The following NME7 variants were observed in gnomAD, a reference collection of about 807,000 sequenced individuals.
The protein encoded by NME7 is nucleoside diphosphate kinase 7.
NME7 carries 41 observed loss-of-function variants against 49.1 expected under a neutral mutation model. The observed-to-expected ratio is 0.83, with a 90% CI of 0.65 to 1.08. The LOEUF (loss-of-function observed/expected upper bound fraction) is 1.08. Ranked by LOEUF, NME7 falls within the 50% of genes least tolerant of loss-of-function variation. The pLI, the probability that NME7 is intolerant of heterozygous loss-of-function variation, is 0.00. For missense variants in NME7, 423 were observed against 463.4 expected (o/e 0.91, Z 0.80); for synonymous variants, 139 against 150.6 (o/e 0.92, Z 0.56).
chr1:169,282,580 G>C (rs997158921), intron 7 of NME7, among the ~76,000 whole-genome samples: 1 of 152,014 alleles, frequency 6.6e-6, no homozygotes, highest in Non-Finnish European at 1.5e-5. Flanking sequence ...TCTCTTGTGG[G>C]CATTTAGAGC....
intron 11 of NME7, among the ~76,000 whole-genome samples, chr1:169,166,107 T>C (rs1486503804): frequency 6.6e-6 from 1 of 152,332 alleles, no homozygotes; most frequent in Non-Finnish European, 1.5e-5. Context: ...ATAATACTTT[T>C]TCCTTTTTTT....
intron 3 of NME7, among the ~76,000 whole-genome samples, chr1:169,314,443 T>C (rs1371852069): frequency 1.3e-5 from 2 of 151,590 alleles, no homozygotes; most frequent in Non-Finnish European, 2.9e-5. Context: ...TAACTGTATA[T>C]AGAAAAAAAA....
chr1:169,204,351 T>C (rs2101783248), intron 10 of NME7, among the ~76,000 whole-genome samples: 1 of 151,812 alleles, frequency 6.6e-6, no homozygotes, highest in Middle Eastern at 3.4e-3. Flanking sequence ...CAGTGCTACT[T>C]TGTCAGTAAC....
chr1:169,355,879 G>A (rs1426604943), intron 1 of NME7, among the ~76,000 whole-genome samples: 1 of 152,062 alleles, frequency 6.6e-6, no homozygotes, highest in African/African-American at 2.4e-5. Context: ...GTCACTGATT[G>A]CTCAGAACAG....
chr1:169,253,959 T>G (rs1181384095), intron 7 of NME7, among the ~76,000 whole-genome samples: 7 of 150,898 alleles, frequency 4.6e-5, no homozygotes, highest in African/African-American at 7.3e-5. Context: ...GCTGGATTCC[T>G]TTTGCCAGTA....
chr1:169,239,012 T>C (rs916677241), intron 7 of NME7, among the ~76,000 whole-genome samples: 1 of 152,038 alleles, frequency 6.6e-6, no homozygotes, highest in African/African-American at 2.4e-5. Flanking sequence ...TTACTAAAAA[T>C]TAAAATAATT....
chr1:169,326,410 C>T (rs1652059160), intron 1 of NME7, among the ~76,000 whole-genome samples: 1 of 152,092 alleles, frequency 6.6e-6, no homozygotes, highest in South Asian at 2.1e-4. Context: ...GATCCAAGAT[C>T]CAGAAAGACA....
intron 1 of NME7, among the ~76,000 whole-genome samples, chr1:169,333,485 ACAAAAGGATAT>A (rs2101950039): frequency 1.6e-5 from 2 of 128,486 alleles, no homozygotes; most frequent in African/African-American, 5.2e-5. Flanking sequence ...ATTGTTTGTA[ACAAAAGGATAT>A]CAAAAGGATA....
rs796971650 is a variant in NME7, at chr1:169,342,926, TAC to T, written c.4-18428_4-18427del. On this transcript the variant is annotated intron_variant, in intron 1 of 11. Coordinates refer to ENST00000367811, the MANE Select transcript of NME7 (RefSeq NM_013330.5). Reference sequence around the variant, plus strand: ...CATATATATAGTGTATATATATATATACAAGTACATATATATACTTGTATTAG... The same window carrying T: ...CATATATATAGTGTATATATATATATAAGTACATATATATACTTGTATTAG... Among the ~76,000 whole-genome samples, 2 of 106,152 alleles carry T rather than the reference TAC, an allele frequency of 1.9e-5. 1 individual carries two copies. Among genetic ancestry groups the T allele is most frequent in the East Asian group, 1.2e-3 (2 of 1,668 alleles). The allele number at this position is 106,152 out of a possible 152,430, so 69.6% of individuals were successfully genotyped here.
intron 10 of NME7, among the ~76,000 whole-genome samples, chr1:169,198,147 C>A (rs972888770): frequency 1.3e-5 from 2 of 151,998 alleles, no homozygotes; most frequent in Non-Finnish European, 2.9e-5. Context: ...ATTAAAACCA[C>A]AATCAGACAT....
chr1:169,332,802 TC>T (rs1652307539), intron 1 of NME7, among the ~76,000 whole-genome samples: 1 of 152,288 alleles, frequency 6.6e-6, no homozygotes, highest in Admixed American at 6.5e-5. Context: ...ATGGCTCTTA[TC>T]CAAAAGACAG....
rs200791963 is a variant in NME7, at chr1:169,152,928, A to G, written c.1098+16519T>C. 5.3e-5 allele frequency among the ~76,000 whole-genome samples: 8 copies of G among 152,306 alleles called. No individual in the cohort carries two copies. The East Asian group carries it at 1.2e-3, about 22-fold the overall frequency. On this transcript the variant is annotated intron_variant, in intron 11 of 11. Coordinates refer to ENST00000367811, the MANE Select transcript of NME7 (RefSeq NM_013330.5). ...CATACATACCAAGAAACTCCCATCCAGCATTTACAGCAAACATCAGTAATC... is the reference window on the plus strand; with the variant it reads ...CATACATACCAAGAAACTCCCATCCGGCATTTACAGCAAACATCAGTAATC...
intron 7 of NME7, among the ~76,000 whole-genome samples, chr1:169,265,606 G>C (rs1649294167): frequency 1.5e-5 from 2 of 131,414 alleles, no homozygotes; most frequent in African/African-American, 2.6e-5. Context: ...CCCAAAGCTA[G>C]CAGAAGACAA....
intron 7 of NME7, chr1:169,286,267 CAGTATTTTTTT>C: frequency 6.6e-6 from 1 of 152,060 alleles, no homozygotes; most frequent in Non-Finnish European, 1.5e-5. Context: ...GATGGGAATT[CAGTATTTTTTT>C]ACTTCATTTT....
chr1:169,234,661 A>T (rs1406349364), intron 9 of NME7, among the ~76,000 whole-genome samples: 1 of 152,124 alleles, frequency 6.6e-6, no homozygotes, highest in Non-Finnish European at 1.5e-5. Context: ...AGGTAAATAA[A>T]TTGTCGATGG....
At chr1:169,229,122 T>C (rs534411169) in intron 10 of NME7, among the ~76,000 whole-genome samples, 1 of 152,358 alleles carries the variant, frequency 6.6e-6, no homozygotes, top group South Asian at 2.1e-4. Flanking sequence ...CAATTTCCTA[T>C]GATATGGGAT....
intron 10 of NME7, among the ~76,000 whole-genome samples, chr1:169,207,149 G>A (rs1421034140): frequency 6.6e-6 from 1 of 152,108 alleles, no homozygotes; most frequent in African/African-American, 2.4e-5. Flanking sequence ...GGTGGAAGGT[G>A]AAGGGGAAGT....
At chr1:169,254,136 T>C (rs903940959) in intron 7 of NME7, among the ~76,000 whole-genome samples, 51 of 150,266 alleles carry the variant, frequency 3.4e-4, no homozygotes, top group Non-Finnish European at 5.8e-4. Flanking sequence ...TCAGAAGGAA[T>C]GGTACCAGTT....
At chr1:169,254,138 G>C (rs1482301116) in intron 7 of NME7, among the ~76,000 whole-genome samples, 1 of 149,974 alleles carries the variant, frequency 6.7e-6, no homozygotes, top group Non-Finnish European at 1.5e-5. Flanking sequence ...AGAAGGAATG[G>C]TACCAGTTCC....
Sources: gnomAD v4.1 joint callset for allele counts (sites outside exome capture counted in the v4.1 genomes callset) on GRCh38, gnomAD v4.1.1 for gene constraint, MANE v1.5 for transcripts, NCBI Gene and HGNC (gene_info 2026-07-23, HGNC 2026-07-21) for gene names.